Variants in DCP1B observed in about 807,000 individuals in gnomAD.
DCP1B encodes mRNA-decapping enzyme 1B.
A neutral mutation model predicts 60.5 loss-of-function variants in DCP1B; 47 were observed. That is an observed-to-expected ratio of 0.78 (90% confidence interval 0.61 to 0.99). The LOEUF (loss-of-function observed/expected upper bound fraction) is 0.99, where lower values mean the gene tolerates loss of function less well. DCP1B is among the 50% of genes least tolerant of loss of function. DCP1B has a pLI of 0.00. For missense variants in DCP1B, 725 were observed against 756.8 expected (o/e 0.96, Z 0.49); for synonymous variants, 267 against 280.3 (o/e 0.95, Z 0.47).
In DCP1B at chr12:1,946,238, T is replaced by C. The variant is rs1310696085; in HGVS notation, c.1822A>G (p.Met608Val). ...GTCTTTTTCATGGCTGCTTGAGTCA[T>C]GCTGAAGAGATAGGCTTCATAGATT... ...NIIYEAYLFS[M>V]TQAAMKKTM The change falls in exon 9 of 9, where the codon ATG becomes GTG. Residue 608 changes from methionine (M) to valine (V), a missense_variant. Transcript: ENST00000280665. 1.9e-6 allele frequency: 3 copies of C among 1,608,698 alleles called. No homozygotes were observed. Among genetic ancestry groups the C allele is most frequent in the Non-Finnish European group, 2.5e-6 (3 of 1,178,042 alleles).
chr12:1,948,460 A>G lies in DCP1B; in HGVS notation c.1773+626T>C, dbSNP rs1453279123. ...GTGAATGAGTTATATGCTTGTGTGT[A>G]GCACTGAAAATAGGGCCCGGCGCCA... On this transcript the variant is annotated intron_variant, in intron 8 of 8. Transcript: ENST00000280665. This position sits in a 1 kb window ranked among gnomAD's most constrained non-coding sequence, Gnocchi z 4.8. 6.6e-6 allele frequency among the ~76,000 whole-genome samples: 1 copy of G among 152,252 alleles called. No individual in the cohort carries two copies. The highest frequency in any genetic ancestry group is 2.4e-5 in the African/African-American group (1 of 41,480).
Position 1,952,619 on chromosome 12 carries a change from T to C in DCP1B, c.1321A>G (p.Thr441Ala). 6.2e-7 allele frequency: 1 copy of C among 1,614,202 alleles called. No individual in the cohort carries two copies. The highest frequency in any genetic ancestry group is 8.5e-7 in the Non-Finnish European group (1 of 1,180,038). ...GGGGAGATCACTCCAGAGCTGCCAG[T>C]CTGACTACCAGAGATGGGGAGTGTT... ...RQTLPISGSQTGSSGVISPQE... is the reference protein window; with the variant it reads ...RQTLPISGSQAGSSGVISPQE... Residue 441 changes from threonine (T) to alanine (A), a missense_variant, in exon 7 of 9, where the codon ACT (threonine) becomes GCT (alanine). By Grantham distance (58) the Thr-to-Ala change is moderately conservative (BLOSUM62 0). Coordinates refer to ENST00000280665, the MANE Select transcript of DCP1B (RefSeq NM_152640.5).
intron 3 of DCP1B, among the ~76,000 whole-genome samples, chr12:1,981,819 G>C (rs893980344): frequency 5.3e-5 from 8 of 152,168 alleles, no homozygotes; most frequent in African/African-American, 1.9e-4. Flanking sequence ...TGAAATATGA[G>C]TAGAATTTAT....
intron 5 of DCP1B, among the ~76,000 whole-genome samples, chr12:1,964,034 G>C (rs2031213785): frequency 6.6e-6 from 1 of 151,986 alleles, no homozygotes; most frequent in Admixed American, 6.6e-5. Flanking sequence ...AAATTACAAT[G>C]CCAACAGTAG....
chr12:1,959,182 GC>G (rs2031029380), intron 5 of DCP1B, among the ~76,000 whole-genome samples: 3 of 152,242 alleles, frequency 2.0e-5, no homozygotes, highest in African/African-American at 7.2e-5. Flanking sequence ...GTTGCTCTGG[GC>G]AATGGCTTTT....
In DCP1B at chr12:1,971,765, CTTTGGGG is replaced by C. The variant is rs2032370567; in HGVS notation, c.320-3862_320-3856del. 6.6e-6 allele frequency among the ~76,000 whole-genome samples: 1 copy of C among 152,134 alleles called. No homozygotes were observed. The highest frequency in any genetic ancestry group is 6.6e-5 in the Admixed American group (1 of 15,266). On this transcript the variant is annotated intron_variant, in intron 3 of 8. Coordinates refer to ENST00000280665, the MANE Select transcript of DCP1B (RefSeq NM_152640.5). This position sits in a 1 kb window ranked among gnomAD's most constrained non-coding sequence, Gnocchi z 4.2. ...GGTGCATTAGTTCATTTTGCATGTT[CTTTGGGG>C]ATTTGCCTTATCTCATTTATGTTCC...
intron 5 of DCP1B, among the ~76,000 whole-genome samples, chr12:1,960,392 G>T (rs2031079846): frequency 6.6e-6 from 1 of 152,202 alleles, no homozygotes; most frequent in African/African-American, 2.4e-5. Flanking sequence ...GGGGGTAGGA[G>T]GATTTTGGAG....
chr12:1,952,490 A>T lies in DCP1B; in HGVS notation c.1450T>A (p.Ser484Thr). ...AAKFPVLAQS[S>T]GTGKPLESWI... ...GATTCCAAGGGTTTCCCTGTTCCAG[A>T]GCTCTGAGCGAGCACAGGAAACTTA... Residue 484 changes from serine to threonine, a missense_variant, in exon 7 of 9, where the codon TCT becomes ACT. By Grantham distance (58) the Ser-to-Thr change is moderately conservative. Coordinates refer to ENST00000280665, the MANE Select transcript of DCP1B (RefSeq NM_152640.5). The T allele has an allele frequency of 3.7e-6, 6 of 1,613,878 alleles. No individual in the cohort carries two copies. The highest frequency in any genetic ancestry group is 5.1e-6 in the Non-Finnish European group (6 of 1,179,858).
rs188258069 is a variant in DCP1B, at chr12:1,977,023, C to A, written c.320-9113G>T. Among the ~76,000 whole-genome samples, 6 of 152,250 alleles carry A rather than the reference C, an allele frequency of 3.9e-5. No homozygotes were observed. The East Asian group carries it at 1.2e-3, about 29-fold the overall frequency. On this transcript the variant is annotated intron_variant, in intron 3 of 8. Coordinates refer to ENST00000280665, the MANE Select transcript of DCP1B (RefSeq NM_152640.5). The stretch of plus-strand genomic sequence containing the variant: ...ATAAATATCCTAGAATGGAAAACAA[C>A]CCTCAGTTATCTCTGGGCAGATAAT...
chr12:1,945,800 A>C (rs1017727407), downstream of DCP1B, among the ~76,000 whole-genome samples: 1 of 152,096 alleles, frequency 6.6e-6, no homozygotes, highest in Non-Finnish European at 1.5e-5. Flanking sequence ...ACCAAACACC[A>C]CATGTTCTCA....
chr12:1,996,640 A>C (rs1015876375), intron 2 of DCP1B, among the ~76,000 whole-genome samples: 6 of 117,864 alleles, frequency 5.1e-5, no homozygotes, highest in East Asian at 2.2e-4. Flanking sequence ...AAAAAAAAAA[A>C]AAAAAAAAAA....
intron 7 of DCP1B, among the ~76,000 whole-genome samples, chr12:1,951,763 G>C (rs1215467731): frequency 2.0e-5 from 3 of 152,208 alleles, no homozygotes; most frequent in Admixed American, 6.5e-5. Flanking sequence ...TGTAGACAAT[G>C]CCTGACATGT....
intron 2 of DCP1B, among the ~76,000 whole-genome samples, chr12:1,995,139 T>A (rs2040486994): frequency 6.6e-6 from 1 of 152,120 alleles, no homozygotes; most frequent in South Asian, 2.1e-4. Context: ...TAGTAAGAAA[T>A]CCTTGAAAAT....
In DCP1B at chr12:2,004,404, C is replaced by G; in HGVS notation, c.28G>C (p.Val10Leu). 1 of 1,611,616 alleles carries G rather than the reference C, an allele frequency of 6.2e-7. No homozygotes were observed. Among genetic ancestry groups the G allele is most frequent in the South Asian group, 1.1e-5 (1 of 90,862 alleles). The change falls in exon 1 of 9, where the codon GTG (valine) becomes CTG (leucine). Residue 10 changes from valine (V) to leucine (L), a missense_variant. Physicochemically the swap from Val to Leu is conservative, Grantham distance 32 (BLOSUM62 1). Coordinates refer to ENST00000280665, the MANE Select transcript of DCP1B (RefSeq NM_152640.5). ...AGGCTGATGTCGCGCCCCTTTCCCA[C>G]CAGGCCGCCTGCCGCCACGGCTGCC... MAAVAAGGLVGKGRDISLAA... is the reference protein window; with the variant it reads MAAVAAGGLLGKGRDISLAA...
rs369568381 is a variant in DCP1B, at chr12:1,969,818, G to A, written c.320-1908C>T. Reference sequence around the variant, plus strand: ...ACTTAATAAATCTGAGTATGTTTGCGTGTCTTGGTGACTTTAACCTTAGTT... The same window carrying A: ...ACTTAATAAATCTGAGTATGTTTGCATGTCTTGGTGACTTTAACCTTAGTT... On this transcript the variant is annotated intron_variant, in intron 3 of 8. Transcript: ENST00000280665. Among the ~76,000 whole-genome samples the A allele has an allele frequency of 1.0e-3, 154 of 152,208 alleles. 2 individuals are homozygous for A. The highest frequency in any genetic ancestry group is 9.3e-3 in the South Asian group (45 of 4,818).
chr12:1,987,159 A>G (rs1484557702), intron 3 of DCP1B, among the ~76,000 whole-genome samples: 5 of 152,260 alleles, frequency 3.3e-5, no homozygotes, highest in Non-Finnish European at 4.4e-5. Flanking sequence ...ACAAATGGGC[A>G]TTAGAAGTAC....
At chr12:1,977,753 C>CTAAG (rs1360726183) in intron 3 of DCP1B, among the ~76,000 whole-genome samples, 1 of 152,150 alleles carries the variant, frequency 6.6e-6, no homozygotes, top group African/African-American at 2.4e-5. Context: ...AAAATGCATT[C>CTAAG]TAAGTATAGT....
Position 1,955,593 on chromosome 12 carries a change from G to T in DCP1B, c.523-33C>A, listed in dbSNP as rs748066192. The T allele has an allele frequency of 2.5e-6, 4 of 1,591,752 alleles. No homozygotes were observed. In the South Asian group the frequency reaches 3.4e-5, roughly 14 times the overall value. ...AGAAAAGAAAATCCCCTCATTTTTGGCTTAGAAAAGCTTTAGTCTTTTTAA... is the reference window on the plus strand; with the variant it reads ...AGAAAAGAAAATCCCCTCATTTTTGTCTTAGAAAAGCTTTAGTCTTTTTAA... On this transcript the variant is annotated intron_variant, in intron 5 of 8. Transcript: ENST00000280665.
chr12:1,970,375 G>A (rs1242260615), intron 3 of DCP1B, among the ~76,000 whole-genome samples: 1 of 152,048 alleles, frequency 6.6e-6, no homozygotes, highest in African/African-American at 2.4e-5. Flanking sequence ...TTTGATCCCA[G>A]TTTAGTCTGG....
Sources: allele counts gnomAD v4.1 joint callset (sites outside exome capture counted in the v4.1 genomes callset), GRCh38; gene constraint gnomAD v4.1.1; non-coding constraint Gnocchi (gnomAD v3.1); transcripts MANE v1.5; gene names NCBI Gene and HGNC (gene_info 2026-07-23, HGNC 2026-07-21).